Variants in CATSPERD observed in about 807,000 individuals in gnomAD.
The protein encoded by CATSPERD is cation channel sperm-associated auxiliary subunit delta.
In CATSPERD, 86 loss-of-function variants were observed where a neutral mutation model predicts 98.1. That is an observed-to-expected ratio of 0.88 (90% CI 0.74 to 1.05). The LOEUF (loss-of-function observed/expected upper bound fraction) is 1.05, where lower values mean the gene tolerates loss of function less well. CATSPERD is among the 50% of genes least tolerant of loss of function. The probability of loss-of-function intolerance (pLI) is 0.00; values close to 1 mark genes in which losing one functional copy is unlikely to be tolerated. For synonymous variants in CATSPERD, 394 were observed against 390.2 expected, an observed-to-expected ratio of 1.01 and a Z score of -0.12; for missense variants, 995 against 1,005.7, an observed-to-expected ratio of 0.99 and a Z score of 0.14.
rs2055910328 is a variant in CATSPERD at position 5,739,307 on chromosome 19, T to A, written c.460-19T>A. On this transcript the variant is annotated intron_variant, in intron 6 of 21. Transcript: ENST00000381624. ...CTGGCATCTTTCTTTCATTCTTTCT[T>A]TCTTTTTTTTTTTTATAGCATGTCA... The A allele has an allele frequency of 6.8e-6, 9 of 1,329,742 alleles. No individual in the cohort carries two copies. The highest frequency in any genetic ancestry group is 8.5e-6 in the Non-Finnish European group (8 of 938,994). The allele number at this position is 1,329,742 out of a possible 1,614,324, so 82.4% of individuals were successfully genotyped here. A position where few individuals can be genotyped will look rare whatever the true frequency, so the allele number is the denominator to read the frequency against.
rs773568657 is a variant in CATSPERD at position 5,772,945 on chromosome 19, C to G, written c.1921C>G (p.Pro641Ala). Reference protein sequence around the residue: ...WTTMIKEFGGPFFWNRENYVS... With the variant: ...WTTMIKEFGGAFFWNRENYVS... The stretch of plus-strand genomic sequence containing the variant: ...CACCATGATAAAGGAATTCGGGGGG[C>G]CCTTCTTCTGGAACAGAGAGGTAAC... The change falls in exon 20 of 22, where the codon CCC (proline) becomes GCC (alanine). Residue 641 changes from proline to alanine, a missense_variant. By Grantham distance (27) the Pro-to-Ala change is conservative. Coordinates refer to ENST00000381624, the MANE Select transcript of CATSPERD (RefSeq NM_152784.4). 2.7e-5 allele frequency: 43 copies of G among 1,613,676 alleles called. No individual in the cohort carries two copies. The highest frequency in any genetic ancestry group is 3.2e-5 in the Non-Finnish European group (38 of 1,179,922).
intron 16 of CATSPERD, 124 bp from the exon 17 acceptor site, chr19:5,765,979 T>C (rs557456123): frequency 6.6e-6 from 4 of 607,380 alleles, no homozygotes; most frequent in African/African-American, 3.7e-5. Flanking sequence ...AGGGACACGC[T>C]GTTGGGATCC....
intron 18 of CATSPERD, among the ~76,000 whole-genome samples, chr19:5,769,293 CA>C (rs35536683): frequency 0.019 from 855 of 45,082 alleles, 7 homozygotes; most frequent in Middle Eastern, 0.049. Context: ...AACCTAGAGA[CA>C]AAAAAAAAAA....
At chr19:5,768,375 C>T (rs1269974735) in intron 18 of CATSPERD, 133 bp downstream of exon 18, 6 of 490,546 alleles carry the variant, frequency 1.2e-5, no homozygotes, top group East Asian at 5.9e-5. Context: ...TCTCGCCTGT[C>T]GCCCAGGCTG....
chr19:5,751,129 C>T (rs578152125), intron 11 of CATSPERD, among the ~76,000 whole-genome samples: 6 of 134,442 alleles, frequency 4.5e-5, no homozygotes, highest in African/African-American at 8.4e-5. Context: ...ACCCGGGAGG[C>T]GGAGGTTGCC....
At chr19:5,744,581 A>C in intron 8 of CATSPERD, 71 bp downstream of exon 8, 1 of 958,892 alleles carries the variant, frequency 1.0e-6, no homozygotes. Flanking sequence ...TACAACTCGC[A>C]CATTTTTAAA....
At chr19:5,724,725 G>A in intron 1 of CATSPERD, 83 bp from the exon 2 acceptor site, 1 of 1,393,348 alleles carries the variant, frequency 7.2e-7, no homozygotes, top group Non-Finnish European at 1.0e-6. Context: ...ATACTTTAGG[G>A]TTAACCCTGA....
At chr19:5,753,286 C>T (rs894669459) in intron 12 of CATSPERD, among the ~76,000 whole-genome samples, 7 of 151,968 alleles carry the variant, frequency 4.6e-5, no homozygotes, top group Admixed American at 2.6e-4. Context: ...AGGGGGCGGG[C>T]GCGGTGGCTC....
chr19:5,758,976 G>T, intron 14 of CATSPERD, 110 bp from the exon 15 acceptor site: 1 of 889,210 alleles, frequency 1.1e-6, no homozygotes, highest in South Asian at 1.3e-5. Flanking sequence ...CGGCTTCCAG[G>T]TTCGTCCCCC....
In CATSPERD at chr19:5,756,132, T is replaced by G. The variant is rs145386599; in HGVS notation, c.1279-1711T>G. On this transcript the variant is annotated intron_variant, in intron 13 of 21. Coordinates refer to ENST00000381624, the MANE Select transcript of CATSPERD (RefSeq NM_152784.4). ...CCCATTTCTACTAAAAATACAAAAA[T>G]TAGCCGGGTGTGGTGGCACATGCCT... Among the ~76,000 whole-genome samples the G allele has an allele frequency of 7.3e-3, 1,103 of 151,928 alleles. 18 individuals carry two copies. Among genetic ancestry groups the G allele is most frequent in the African/African-American group, 0.025 (1,048 of 41,442 alleles).
chr19:5,750,997 C>A, intron 11 of CATSPERD, among the ~76,000 whole-genome samples: 1 of 150,308 alleles, frequency 6.7e-6, no homozygotes, highest in East Asian at 2.0e-4. Context: ...AGGTGGATCA[C>A]GAGGTCAGGA....
At chr19:5,770,853 C>T in intron 18 of CATSPERD, 91 bp from the exon 19 acceptor site, 3 of 1,476,140 alleles carry the variant, frequency 2.0e-6, no homozygotes, top group Non-Finnish European at 2.7e-6. Flanking sequence ...GGACGATCCC[C>T]ATTTGCAAAA....
chr19:5,726,960 A>G (rs940809805), intron 2 of CATSPERD, among the ~76,000 whole-genome samples: 16 of 152,136 alleles, frequency 1.1e-4, no homozygotes, highest in African/African-American at 3.6e-4. Context: ...TTGGGAGGCC[A>G]AGGCAGGTGG....
intron 15 of CATSPERD, 90 bp downstream of exon 15, chr19:5,759,234 C>T (rs2056387779): frequency 1.7e-6 from 2 of 1,181,602 alleles, no homozygotes; most frequent in Middle Eastern, 2.0e-4. Flanking sequence ...AGATCAGACC[C>T]CCAGCTCCAG....
At chr19:5,748,367 A>G (rs2056136530) in intron 10 of CATSPERD, 112 bp downstream of exon 10, 16 of 963,134 alleles carry the variant, frequency 1.7e-5, no homozygotes, top group Middle Eastern at 2.2e-4. Context: ...GCGGTGGCTC[A>G]TGCCTGTAAT....
intron 1 of CATSPERD, among the ~76,000 whole-genome samples, chr19:5,723,533 C>T (rs1478297849): frequency 1.4e-5 from 2 of 147,152 alleles, no homozygotes; most frequent in African/African-American, 2.5e-5. Flanking sequence ...GGCGCCATCT[C>T]GGCTCACTGC....
At position 5,748,138 on chromosome 19, in the gene CATSPERD, C is replaced by G; in HGVS notation, c.809-22C>G. 3 of 1,599,546 alleles carry G rather than the reference C, an allele frequency of 1.9e-6. No individual in the cohort carries two copies. The South Asian group carries it at 3.3e-5, about 18-fold the overall frequency. ...CCCAGGATGTACACGGGGCCTCATG[C>G]ACCTGTCCTGTTACCTCCTAGGTCA... On this transcript the variant is annotated intron_variant, in intron 9 of 21. Coordinates refer to ENST00000381624, the MANE Select transcript of CATSPERD (RefSeq NM_152784.4).
intron 15 of CATSPERD, among the ~76,000 whole-genome samples, chr19:5,762,613 G>GTGGGTGGA (rs1694381947): frequency 6.6e-6 from 1 of 151,882 alleles, no homozygotes; most frequent in East Asian, 1.9e-4. Context: ...GGGTGGATGG[G>GTGGGTGGA]TGGGTGGATG....
chr19:5,725,519 A>G (rs915945387), intron 2 of CATSPERD, among the ~76,000 whole-genome samples: 1 of 152,126 alleles, frequency 6.6e-6, no homozygotes, highest in Admixed American at 6.6e-5. Flanking sequence ...ACCTCATGTA[A>G]TGTCACAGGA....
Sources: allele counts gnomAD v4.1 joint callset (sites outside exome capture counted in the v4.1 genomes callset), GRCh38; gene constraint gnomAD v4.1.1; transcripts MANE v1.5; gene names NCBI Gene and HGNC (gene_info 2026-07-23, HGNC 2026-07-21).